The following SLC35F1 variants were observed in gnomAD, a reference collection of about 807,000 sequenced individuals.
The protein encoded by SLC35F1 is solute carrier family 35 member F1, also known as chromosome 6 open reading frame 169.
In SLC35F1, 14 loss-of-function variants were observed where a neutral mutation model predicts 48.7. The ratio of observed to expected loss-of-function variants is 0.29; its 90% CI spans 0.19 to 0.45. The LOEUF (loss-of-function observed/expected upper bound fraction) is 0.45, where lower values mean the gene tolerates loss of function less well. Among genes scored for constraint, SLC35F1 ranks in the 20% least tolerant of loss-of-function variants. The probability of loss-of-function intolerance (pLI) is 1.00; values close to 1 mark genes in which losing one functional copy is unlikely to be tolerated. For synonymous variants in SLC35F1, 190 were observed against 202.2 expected, an observed-to-expected ratio of 0.94 and a Z score of 0.51; for missense variants, 404 against 500.0, an observed-to-expected ratio of 0.81 and a Z score of 1.83.
chr6:118,116,657 T>C (rs879688901), intron 1 of SLC35F1, among the ~76,000 whole-genome samples: 2 of 152,186 alleles, frequency 1.3e-5, no homozygotes, highest in Non-Finnish European at 2.9e-5. Context: ...GGAGTTTCAT[T>C]AGGCCCTGTT....
At chr6:118,263,676 T>TTTTG (rs199630202) in intron 3 of SLC35F1, among the ~76,000 whole-genome samples, 2,171 of 152,164 alleles carry the variant, frequency 0.014, 55 homozygotes, top group African/African-American at 0.05. Context: ...GAAGAGGAGT[T>TTTTG]TTTGTTTGTT....
chr6:118,131,170 T>C (rs1013955173), intron 1 of SLC35F1, among the ~76,000 whole-genome samples: 1 of 152,112 alleles, frequency 6.6e-6, no homozygotes, highest in Non-Finnish European at 1.5e-5. Flanking sequence ...CATGATTAAC[T>C]TAAGAGAGGA....
chr6:118,183,091 AT>A (rs1276068151), intron 2 of SLC35F1, among the ~76,000 whole-genome samples: 1 of 152,224 alleles, frequency 6.6e-6, no homozygotes, highest in East Asian at 1.9e-4. Flanking sequence ...GAAGAACTGT[AT>A]GGCTCAGATT....
At position 118,148,651 on chromosome 6, in the gene SLC35F1, T is replaced by C. The variant is rs566475353; in HGVS notation, c.174-5794T>C. ...ACAAAGAAGATGAAAATGTGTATCA[T>C]AGTCTCCTCTCCATTTCTGCCACTA... On this transcript the variant is annotated intron_variant, in intron 1 of 7. Coordinates refer to ENST00000360388, the MANE Select transcript of SLC35F1 (RefSeq NM_001029858.4). 3.3e-5 allele frequency among the ~76,000 whole-genome samples: 5 copies of C among 152,316 alleles called. No individual in the cohort carries two copies. The South Asian group carries it at 6.2e-4, about 19-fold the overall frequency.
intron 1 of SLC35F1, among the ~76,000 whole-genome samples, chr6:118,001,777 A>G (rs1777099847): frequency 6.6e-6 from 1 of 152,152 alleles, no homozygotes; most frequent in African/African-American, 2.4e-5. Context: ...AACCCCATCA[A>G]AAAGTGGGCG....
chr6:118,053,666 A>T (rs1179032017), intron 1 of SLC35F1, among the ~76,000 whole-genome samples: 2 of 152,114 alleles, frequency 1.3e-5, no homozygotes, highest in Non-Finnish European at 2.9e-5. Flanking sequence ...TAGTGTTCAT[A>T]TTTGTAATTT....
chr6:118,197,174 A>G (rs1011190799), intron 2 of SLC35F1, among the ~76,000 whole-genome samples: 3 of 152,286 alleles, frequency 2.0e-5, no homozygotes, highest in South Asian at 2.1e-4. Flanking sequence ...TTGCCTAGCA[A>G]TTGAATCAGC....
intron 2 of SLC35F1, among the ~76,000 whole-genome samples, chr6:118,194,825 A>G (rs1172664025): frequency 6.6e-6 from 1 of 152,108 alleles, no homozygotes; most frequent in African/African-American, 2.4e-5. Context: ...CTTTCCCTGA[A>G]TGGCCCTAGC....
At chr6:117,932,059 G>A (rs1776108428) in intron 1 of SLC35F1, among the ~76,000 whole-genome samples, 1 of 152,114 alleles carries the variant, frequency 6.6e-6, no homozygotes, top group African/African-American at 2.4e-5. Context: ...TATAAAAGAG[G>A]TTTCAGAGAG....
intron 7 of SLC35F1, among the ~76,000 whole-genome samples, chr6:118,290,309 C>G (rs992200872): frequency 6.6e-6 from 1 of 151,566 alleles, no homozygotes; most frequent in Non-Finnish European, 1.5e-5. Flanking sequence ...ATTCTACTGA[C>G]CAAACAAGAG....
chr6:117,913,175 T>C (rs1024261993), intron 1 of SLC35F1, among the ~76,000 whole-genome samples: 5 of 152,230 alleles, frequency 3.3e-5, no homozygotes, highest in African/African-American at 1.2e-4. Flanking sequence ...CTGTACATTG[T>C]TCAGACACAT....
intron 7 of SLC35F1, among the ~76,000 whole-genome samples, chr6:118,293,060 C>T (rs1310052787): frequency 6.6e-6 from 1 of 152,100 alleles, no homozygotes; most frequent in Non-Finnish European, 1.5e-5. Flanking sequence ...GAGGCTTTTC[C>T]ATTGGAGGGT....
intron 4 of SLC35F1, among the ~76,000 whole-genome samples, chr6:118,272,898 C>A (rs969163857): frequency 6.7e-6 from 1 of 150,218 alleles, no homozygotes; most frequent in Non-Finnish European, 1.5e-5. Context: ...AGTACCTACA[C>A]TTTTTATTAT....
At chr6:118,079,681 C>T (rs1195054647) in intron 1 of SLC35F1, among the ~76,000 whole-genome samples, 1 of 152,164 alleles carries the variant, frequency 6.6e-6, no homozygotes, top group Non-Finnish European at 1.5e-5. Context: ...TTTCCTCAGT[C>T]TTCTCTCATG....
intron 1 of SLC35F1, 34 bp downstream of exon 1, chr6:117,907,933 C>CG: frequency 7.7e-7 from 1 of 1,297,276 alleles, no homozygotes; most frequent in Non-Finnish European, 9.7e-7. Context: ...GCGCGGGGGG[C>CG]GGGGGCTGCG....
chr6:118,229,844 C>A (rs771108742), intron 2 of SLC35F1, among the ~76,000 whole-genome samples: 3 of 152,186 alleles, frequency 2.0e-5, no homozygotes, highest in Non-Finnish European at 4.4e-5. Flanking sequence ...GGTCATCCTG[C>A]AGATGCTTAG....
intron 1 of SLC35F1, among the ~76,000 whole-genome samples, chr6:117,971,504 G>A (rs1028231017): frequency 6.6e-6 from 1 of 152,244 alleles, no homozygotes; most frequent in Non-Finnish European, 1.5e-5. Context: ...GGGACTCTGT[G>A]TGGGGACTCC....
At position 118,125,379 on chromosome 6, in the gene SLC35F1, G is replaced by C. The variant is rs570820960; in HGVS notation, c.174-29066G>C. On this transcript the variant is annotated intron_variant, in intron 1 of 7. Coordinates refer to ENST00000360388, the MANE Select transcript of SLC35F1 (RefSeq NM_001029858.4). ...TTTTTATTCATTTATGGTATTTTGG[G>C]GGGGGGGATCAGATACTTACTATAG... 6.1e-3 allele frequency among the ~76,000 whole-genome samples: 693 copies of C among 114,288 alleles called. 11 individuals carry two copies. The highest frequency in any genetic ancestry group is 0.018 in the African/African-American group (648 of 36,586). The allele number at this position is 114,288 out of a possible 152,430, so 75.0% of individuals were successfully genotyped here.
chr6:118,126,001 T>C (rs371421313), intron 1 of SLC35F1, among the ~76,000 whole-genome samples: 1 of 152,324 alleles, frequency 6.6e-6, no homozygotes, highest in East Asian at 1.9e-4. Flanking sequence ...ATGGAAATGC[T>C]AACTGAGTTG....
Sources: allele counts gnomAD v4.1 joint callset (sites outside exome capture counted in the v4.1 genomes callset), GRCh38; gene constraint gnomAD v4.1.1; transcripts MANE v1.5; gene names NCBI Gene and HGNC (gene_info 2026-07-23, HGNC 2026-07-21).